ATP5PB: variants seen among roughly 807,000 people sequenced by gnomAD.
ATP5PB encodes the protein ATP synthase peripheral stalk-membrane subunit b.
ATP5PB carries 21 observed loss-of-function variants against 34.5 expected under a neutral mutation model. That is an observed-to-expected ratio of 0.61 (90% CI 0.43 to 0.88). ATP5PB has a LOEUF of 0.88. ATP5PB is among the 40% of genes least tolerant of loss of function. The pLI is 0.00. For synonymous variants in ATP5PB, 108 were observed against 114.1 expected (o/e 0.95, Z 0.34); for missense variants, 293 against 317.4 (o/e 0.92, Z 0.58).
At chr1:111,460,771 C>T in intron 6 of ATP5PB, 146 bp from the exon 7 acceptor site, 1 of 548,610 alleles carries the variant, frequency 1.8e-6, no homozygotes. Context: ...ACTTCTAAAC[C>T]TGTCTAGTAG....
chr1:111,450,411 A>C (rs1451894538), intron 2 of ATP5PB, among the ~76,000 whole-genome samples: 1 of 152,198 alleles, frequency 6.6e-6, no homozygotes, highest in Non-Finnish European at 1.5e-5. Context: ...ACAGTCTAGG[A>C]ATGGGAGGCA....
rs144678709 is a variant in ATP5PB, at chr1:111,455,232, G to A, written c.224-854G>A. Among the ~76,000 whole-genome samples the A allele has an allele frequency of 1.7e-3, 265 of 152,012 alleles. 2 individuals are homozygous for A. The highest frequency in any genetic ancestry group is 6.8e-3 in the Middle Eastern group (2 of 292). ...GCTAGAAACATTAGTCTCCTCAGAC[G>A]TCCATAGGTGATAACAATGTTACAT... is the stretch of plus-strand genomic sequence containing the variant. On this transcript the variant is annotated intron_variant, in intron 3 of 6. Transcript: ENST00000369722.
Position 111,461,053 on chromosome 1 carries a change from C to A in ATP5PB, c.*59C>A. On this transcript the variant is annotated 3_prime_UTR_variant, in exon 7 of 7. Coordinates refer to ENST00000369722, the MANE Select transcript of ATP5PB (RefSeq NM_001688.5). ...GTTGACTGACTAAATGGAAACTAGT[C>A]TATTTGACAAAGTCTTTCTGTGTTG... The A allele has an allele frequency of 6.9e-7, 1 of 1,459,624 alleles. No homozygotes were observed. Among genetic ancestry groups the A allele is most frequent in the Non-Finnish European group, 9.5e-7 (1 of 1,048,446 alleles). 90.4% of individuals were successfully genotyped at this position (1,459,624 alleles called of 1,614,324 possible).
chr1:111,456,479 A>G (rs969725995), intron 4 of ATP5PB, 151 bp from the exon 5 acceptor site: 13 of 1,193,990 alleles, frequency 1.1e-5, no homozygotes, highest in African/African-American at 3.1e-5. Context: ...ATTATGGGCA[A>G]TTCTTTTTAA....
At position 111,461,145 on chromosome 1, in the gene ATP5PB, G is replaced by A. The variant is rs1571379831; in HGVS notation, c.*151G>A. ...AGTTTGTTTCATATAGTGAGAGAAC[G>A]AAATCTCTATCGGCCAGTCAGATGT... On this transcript the variant is annotated 3_prime_UTR_variant, in exon 7 of 7. Coordinates refer to ENST00000369722, the MANE Select transcript of ATP5PB (RefSeq NM_001688.5). The A allele has an allele frequency of 1.6e-5, 10 of 641,748 alleles. No homozygotes were observed. Among genetic ancestry groups the A allele is most frequent in the South Asian group, 1.2e-4 (6 of 50,604 alleles). The allele number at this position is 641,748 out of a possible 1,614,324, so 39.8% of individuals were successfully genotyped here. A position where few individuals can be genotyped will look rare whatever the true frequency, so the allele number is the denominator to read the frequency against.
chr1:111,458,844 A>G (rs1653539995), intron 5 of ATP5PB, among the ~76,000 whole-genome samples: 1 of 152,142 alleles, frequency 6.6e-6, no homozygotes, highest in Non-Finnish European at 1.5e-5. Context: ...ACCTTGGGCA[A>G]GTTTCCTAAT....
intron 2 of ATP5PB, among the ~76,000 whole-genome samples, chr1:111,450,603 G>A (rs1285223873): frequency 1.3e-5 from 2 of 152,268 alleles, no homozygotes; most frequent in African/African-American, 2.4e-5. Flanking sequence ...GGTACATAGC[G>A]TGTGCTTAGT....
chr1:111,456,818 A>C, intron 5 of ATP5PB, 63 bp downstream of exon 5: 1 of 1,483,428 alleles, frequency 6.7e-7, no homozygotes. Context: ...TTTAATTCAG[A>C]ATTTTTTATG....
intron 6 of ATP5PB, among the ~76,000 whole-genome samples, chr1:111,460,234 TTTC>T (rs1653579953): frequency 6.6e-6 from 1 of 152,218 alleles, no homozygotes; most frequent in East Asian, 1.9e-4. Flanking sequence ...TGACATTCCA[TTTC>T]TTCTTTTCAC....
chr1:111,451,526 C>T (rs776147888), intron 2 of ATP5PB, among the ~76,000 whole-genome samples: 5 of 152,272 alleles, frequency 3.3e-5, no homozygotes, highest in African/African-American at 7.2e-5. Context: ...TTGTTCATTG[C>T]CATGTTACCG....
chr1:111,455,316 A>G (rs1352408795), intron 3 of ATP5PB, among the ~76,000 whole-genome samples: 1 of 143,996 alleles, frequency 6.9e-6, no homozygotes, highest in Non-Finnish European at 1.5e-5. Context: ...GCAGTTAAAA[A>G]AAACTGTTGG....
Position 111,459,467 on chromosome 1 carries a change from C to T in ATP5PB, c.524C>T (p.Ala175Val). 6.2e-7 allele frequency: 1 copy of T among 1,605,538 alleles called. No individual in the cohort carries two copies. Among genetic ancestry groups the T allele is most frequent in the South Asian group, 1.1e-5 (1 of 89,714 alleles). The change falls in exon 6 of 7, where the codon GCT (alanine) becomes GTT (valine). Residue 175 changes from alanine (A) to valine (V), a missense_variant. Physicochemically the swap from Ala to Val is moderately conservative, Grantham distance 64. Transcript: ENST00000369722. ...TTAATTTTGCCCCAGAATAACATTG[C>T]TATGGCTTTGGAAGTTACTTACCGG... ...YLFDVQRNNI[A>V]MALEVTYRER...
At chr1:111,456,604 C>T (rs752579462) in intron 4 of ATP5PB, 26 bp from the exon 5 acceptor site, 10 of 1,604,606 alleles carry the variant, frequency 6.2e-6, no homozygotes, top group African/African-American at 1.3e-5. Flanking sequence ...TTTCACTGAT[C>T]TTTGTTGTTG....
rs749937380 is a variant in ATP5PB, at chr1:111,449,497, G to C, written c.-45G>C. 3 of 1,614,126 alleles carry C rather than the reference G, an allele frequency of 1.9e-6. No homozygotes were observed. Among genetic ancestry groups the C allele is most frequent in the East Asian group, 2.2e-5 (1 of 44,880 alleles). The stretch of plus-strand genomic sequence containing the variant: ...TCCTGCCCTGACAGATTCTCCTATC[G>C]GGGTCACAGGGACGCTAAGATTGCT... On this transcript the variant is annotated 5_prime_UTR_variant, in exon 1 of 7. Transcript: ENST00000369722.
Position 111,461,162 on chromosome 1 carries a change from G to A in ATP5PB, c.*168G>A. 1.7e-6 allele frequency: 1 copy of A among 575,602 alleles called. No individual in the cohort carries two copies. Among genetic ancestry groups the A allele is most frequent in the Admixed American group, 3.0e-5 (1 of 33,728 alleles). The allele number at this position is 575,602 out of a possible 1,614,324, so 35.7% of individuals were successfully genotyped here. A position where few individuals can be genotyped will look rare whatever the true frequency, so the allele number is the denominator to read the frequency against. On this transcript the variant is annotated 3_prime_UTR_variant, in exon 7 of 7. Transcript: ENST00000369722. ...GAGAGAACGAAATCTCTATCGGCCA[G>A]TCAGATGTTTCTCATCCTTCTTGCT...
At chr1:111,458,760 T>C (rs978092540) in intron 5 of ATP5PB, among the ~76,000 whole-genome samples, 3 of 152,150 alleles carry the variant, frequency 2.0e-5, no homozygotes, top group Admixed American at 2.0e-4. Context: ...CAAGTAGAGA[T>C]ATGTAAGAGC....
intron 6 of ATP5PB, among the ~76,000 whole-genome samples, chr1:111,460,290 C>T (rs955787373): frequency 2.6e-5 from 4 of 151,978 alleles, no homozygotes; most frequent in Non-Finnish European, 5.9e-5. Flanking sequence ...TTTCTATTTG[C>T]TTAAACTGAA....
chr1:111,458,859 GC>G lies in ATP5PB; in HGVS notation c.514-596del, dbSNP rs1301079102. 3.9e-5 allele frequency among the ~76,000 whole-genome samples: 6 copies of G among 152,184 alleles called. No individual in the cohort carries two copies. The East Asian group carries it at 9.6e-4, about 24-fold the overall frequency. On this transcript the variant is annotated intron_variant, in intron 5 of 6. Transcript: ENST00000369722. ...ACCTTGGGCAAGTTTCCTAATTTCT[GC>G]CTCAGTTTCCTCACTGCAAAATGGA...
intron 3 of ATP5PB, 58 bp from the exon 4 acceptor site, chr1:111,456,028 A>G (rs1653462829): frequency 4.4e-6 from 6 of 1,364,594 alleles, no homozygotes; most frequent in Non-Finnish European, 4.9e-6. Flanking sequence ...GTACCTTTCT[A>G]TCTTCCCTCT....
Sources: allele counts gnomAD v4.1 joint callset (sites outside exome capture counted in the v4.1 genomes callset), GRCh38; gene constraint gnomAD v4.1.1; transcripts MANE v1.5; gene names NCBI Gene and HGNC (gene_info 2026-07-23, HGNC 2026-07-21).